The following ARHGAP28 variants were observed in gnomAD, a reference collection of about 807,000 sequenced individuals.
ARHGAP28 encodes the protein Rho GTPase activating protein 28.
ARHGAP28 carries 56 observed loss-of-function variants against 90.7 expected under a neutral mutation model. The ratio of observed to expected loss-of-function variants is 0.62; its 90% CI spans 0.50 to 0.77. ARHGAP28 has a LOEUF of 0.77. Ranked by LOEUF, ARHGAP28 falls within the 30% of genes least tolerant of loss-of-function variation. The probability of loss-of-function intolerance (pLI) is 0.00; values close to 1 mark genes in which losing one functional copy is unlikely to be tolerated. For synonymous variants in ARHGAP28, 308 were observed against 323.3 expected (o/e 0.95, Z 0.51); for missense variants, 869 against 900.9 (o/e 0.96, Z 0.45).
At chr18:6,788,253 C>G (rs1275493038) in intron 1 of ARHGAP28, among the ~76,000 whole-genome samples, 1 of 152,126 alleles carries the variant, frequency 6.6e-6, no homozygotes, top group Non-Finnish European at 1.5e-5. Flanking sequence ...CCCCTTCCTC[C>G]TGCTCCGGCC....
At chr18:6,886,474 A>G (rs746188645) in intron 11 of ARHGAP28, among the ~76,000 whole-genome samples, 31 of 152,320 alleles carry the variant, frequency 2.0e-4, no homozygotes, top group Non-Finnish European at 4.0e-4. Flanking sequence ...ACAATCTCCA[A>G]AGATCCAACT....
At chr18:6,837,063 T>G in intron 2 of ARHGAP28, 134 bp from the exon 3 acceptor site, 1 of 671,828 alleles carries the variant, frequency 1.5e-6, no homozygotes, top group Non-Finnish European at 2.5e-6. Flanking sequence ...TCATTCATTC[T>G]TGTAGTTCTT....
chr18:6,812,014 A>G (rs12326393), intron 1 of ARHGAP28, among the ~76,000 whole-genome samples: 5,289 of 152,264 alleles, frequency 0.035, 302 homozygotes, highest in African/African-American at 0.12. Context: ...TTCAGGGTCA[A>G]TGAATACTTT....
At chr18:6,869,071 A>G (rs570138710) in intron 6 of ARHGAP28, among the ~76,000 whole-genome samples, 1 of 152,276 alleles carries the variant, frequency 6.6e-6, no homozygotes, top group Admixed American at 6.5e-5. Context: ...TCATGCCACT[A>G]AAAACCAGCC....
chr18:6,873,816 A>G (rs1239530516), intron 9 of ARHGAP28, 41 bp downstream of exon 9: 5 of 1,534,888 alleles, frequency 3.3e-6, no homozygotes, highest in Non-Finnish European at 4.5e-6. Flanking sequence ...ACAGAGCCTC[A>G]TGCTTATGAT....
intron 16 of ARHGAP28, chr18:6,897,656 A>C (rs1414659283): frequency 1.3e-5 from 2 of 152,352 alleles, no homozygotes; most frequent in African/African-American, 4.8e-5. Flanking sequence ...TTGAGCAAAA[A>C]AGCCAACTGT....
Position 6,736,747 on chromosome 18 carries a change from C to CAAAA in ARHGAP28, c.122+6812_122+6815dup, listed in dbSNP as rs34584836. Among the ~76,000 whole-genome samples, 5 of 80,262 alleles carry CAAAA rather than the reference C, an allele frequency of 6.2e-5. 1 individual carries two copies. The highest frequency in any genetic ancestry group is 7.3e-5 in the Non-Finnish European group (3 of 40,996). 52.7% of individuals were successfully genotyped at this position (80,262 alleles called of 152,430 possible). A position where few individuals can be genotyped will look rare whatever the true frequency, so the allele number is the denominator to read the frequency against. On this transcript the variant is annotated intron_variant, in intron 1 of 17. Coordinates refer to ENST00000383472, the MANE Select transcript of ARHGAP28 (RefSeq NM_001366230.1). ...GGGCAACAAGAGTGAAACTCCATTT[C>CAAAA]AAAAAAAAAAACAAAAAACAGAAAG... is the stretch of plus-strand genomic sequence containing the variant.
intron 1 of ARHGAP28, among the ~76,000 whole-genome samples, chr18:6,778,511 C>G (rs1269196054): frequency 6.6e-6 from 1 of 152,184 alleles, no homozygotes; most frequent in African/African-American, 2.4e-5. Flanking sequence ...GTAGAGAGTC[C>G]TGGCTCTGAG....
In ARHGAP28 at chr18:6,729,775, T is replaced by TC; in HGVS notation, c.-44dup. ...CTCCCGGCGCGCCGGTCCATGCTGGTCCCGGTCTTTGTTCTGGGGCCGGCG... is the reference window on the plus strand; with the variant it reads ...CTCCCGGCGCGCCGGTCCATGCTGGTCCCCGGTCTTTGTTCTGGGGCCGGCG... On this transcript the variant is annotated 5_prime_UTR_variant, in exon 1 of 18. Transcript: ENST00000383472. 7 of 1,348,512 alleles carry TC rather than the reference T, an allele frequency of 5.2e-6. No individual in the cohort carries two copies. Among genetic ancestry groups the TC allele is most frequent in the Non-Finnish European group, 6.6e-6 (7 of 1,053,722 alleles). The allele number at this position is 1,348,512 out of a possible 1,614,324, so 83.5% of individuals were successfully genotyped here.
At chr18:6,820,630 T>G (rs2143745767) in intron 1 of ARHGAP28, among the ~76,000 whole-genome samples, 1 of 152,332 alleles carries the variant, frequency 6.6e-6, no homozygotes, top group Admixed American at 6.5e-5. Flanking sequence ...AGATAAAATC[T>G]ATTATGAGCA....
At chr18:6,836,703 C>A (rs539707292) in intron 2 of ARHGAP28, among the ~76,000 whole-genome samples, 1 of 152,136 alleles carries the variant, frequency 6.6e-6, no homozygotes. Context: ...GATGCCAAGA[C>A]AACATAAAAC....
chr18:6,801,501 T>G (rs1055500202), intron 1 of ARHGAP28, among the ~76,000 whole-genome samples: 25 of 152,212 alleles, frequency 1.6e-4, no homozygotes, highest in African/African-American at 4.6e-4. Context: ...CATTTTCATA[T>G]GAGCTTTAGA....
chr18:6,803,277 A>AT (rs1424958904), intron 1 of ARHGAP28, among the ~76,000 whole-genome samples: 7 of 152,052 alleles, frequency 4.6e-5, no homozygotes, highest in African/African-American at 1.2e-4. Context: ...TTTGCTAAGA[A>AT]TTTTTTTACA....
chr18:6,894,728 T>C, intron 14 of ARHGAP28, 107 bp from the exon 15 acceptor site: 1 of 870,960 alleles, frequency 1.1e-6, no homozygotes, highest in Non-Finnish European at 1.8e-6. Context: ...TATAATTTTA[T>C]AAATATTGCC....
At position 6,899,016 on chromosome 18, in the gene ARHGAP28, C is replaced by CA. The variant is rs1279023796; in HGVS notation, c.2030+2396dup. Among the ~76,000 whole-genome samples the CA allele has an allele frequency of 2.0e-5, 3 of 152,026 alleles. No individual in the cohort carries two copies. The East Asian group carries it at 5.8e-4, about 29-fold the overall frequency. ...ACTCATGTAACCAAATACCTGTTCC[C>CA]AAAAAACCTATGGAAAGAAAAAACT... On this transcript the variant is annotated intron_variant, in intron 16 of 17. Transcript: ENST00000383472.
At chr18:6,796,310 T>C (rs2056441296) in intron 1 of ARHGAP28, among the ~76,000 whole-genome samples, 2 of 152,176 alleles carry the variant, frequency 1.3e-5, no homozygotes, top group South Asian at 4.1e-4. Flanking sequence ...TTGAGACCAC[T>C]TGAGCTTCTC....
chr18:6,795,624 A>G (rs926317267), intron 1 of ARHGAP28, among the ~76,000 whole-genome samples: 4 of 152,314 alleles, frequency 2.6e-5, no homozygotes, highest in East Asian at 1.9e-4. Context: ...GAGGAGCTCT[A>G]TGTCACTGTG....
In ARHGAP28 at chr18:6,729,884, G is replaced by GC. The variant is rs1315423051; in HGVS notation, c.69dup (p.Asn24GlnfsTer28). ...CCTACCACTCGTACGCGCGCGCCCAGCCCCCCAACGCCGAGTCGCGCTGCG... is the reference window on the plus strand; with the variant it reads ...CCTACCACTCGTACGCGCGCGCCCAGCCCCCCCAACGCCGAGTCGCGCTGCG... On this transcript the variant is annotated frameshift_variant, in exon 1 of 18. Coordinates refer to ENST00000383472, the MANE Select transcript of ARHGAP28 (RefSeq NM_001366230.1). LOFTEE classifies it high-confidence loss of function. 245 of 1,427,530 alleles carry GC rather than the reference G, an allele frequency of 1.7e-4. No individual in the cohort carries two copies. The highest frequency in any genetic ancestry group is 2.1e-4 in the Non-Finnish European group (235 of 1,093,088). The allele number at this position is 1,427,530 out of a possible 1,614,324, so 88.4% of individuals were successfully genotyped here.
intron 16 of ARHGAP28, among the ~76,000 whole-genome samples, chr18:6,903,305 G>A (rs756183717): frequency 4.3e-4 from 66 of 152,046 alleles, no homozygotes; most frequent in African/African-American, 1.3e-3. Flanking sequence ...GATACATTTC[G>A]TTATATGTAT....
Sources: gnomAD v4.1 joint callset for allele counts (sites outside exome capture counted in the v4.1 genomes callset) on GRCh38, gnomAD v4.1.1 for gene constraint, MANE v1.5 for transcripts, NCBI Gene and HGNC (gene_info 2026-07-23, HGNC 2026-07-21) for gene names.